The following NARS2 variants were observed in gnomAD, a reference collection of about 807,000 sequenced individuals.
The protein encoded by NARS2 is asparaginyl-tRNA synthetase 2, mitochondrial.
In NARS2, 60 loss-of-function variants were observed where a neutral mutation model predicts 62.9. The ratio of observed to expected loss-of-function variants is 0.95; its 90% CI spans 0.77 to 1.18. NARS2 has a LOEUF of 1.18. Among genes scored for constraint, NARS2 ranks in the 50% most tolerant of loss-of-function variants. The probability of loss-of-function intolerance (pLI) is 0.00; values close to 1 mark genes in which losing one functional copy is unlikely to be tolerated. For synonymous variants in NARS2, 196 were observed against 200.0 expected (o/e 0.98, Z 0.17); for missense variants, 619 against 576.4 (o/e 1.07, Z -0.76).
chr11:78,508,261 C>T (rs895850673), intron 6 of NARS2, among the ~76,000 whole-genome samples: 1 of 151,874 alleles, frequency 6.6e-6, no homozygotes, highest in African/African-American at 2.4e-5. Context: ...ACAACACGAC[C>T]CAACATATGC....
intron 6 of NARS2, among the ~76,000 whole-genome samples, chr11:78,516,199 TAC>T (rs1183809888): frequency 1.3e-5 from 2 of 152,204 alleles, no homozygotes; most frequent in African/African-American, 4.8e-5. Flanking sequence ...GACATAAAAG[TAC>T]AGAGACATCC....
At chr11:78,466,258 T>A (rs1293881105) in intron 10 of NARS2, among the ~76,000 whole-genome samples, 1 of 150,416 alleles carries the variant, frequency 6.6e-6, no homozygotes, top group Non-Finnish European at 1.5e-5. Context: ...TGTGTCCCCA[T>A]TGCTCCCCCA....
In NARS2 at chr11:78,465,932, G is replaced by A. The variant is rs754242670; in HGVS notation, c.1108C>T (p.Pro370Ser). Reference protein sequence around the residue: ...GNIPVFVINYPLTLKPFYMRD... With the variant: ...GNIPVFVINYSLTLKPFYMRD... ...ATGTAGAAAGGCTTGAGTGTTAATG[G>A]ATAATTAATAACGAAGACAGGTATG... Residue 370 changes from proline (P) to serine (S), a missense_variant, in exon 11 of 14, where the codon CCA (proline) becomes TCA (serine). Coordinates refer to ENST00000281038, the MANE Select transcript of NARS2 (RefSeq NM_024678.6). 3 of 1,613,996 alleles carry A rather than the reference G, an allele frequency of 1.9e-6. No individual in the cohort carries two copies. The highest frequency in any genetic ancestry group is 2.2e-5 in the East Asian group (1 of 44,886).
At chr11:78,544,648 G>A (rs556614560) in intron 5 of NARS2, among the ~76,000 whole-genome samples, 2 of 152,160 alleles carry the variant, frequency 1.3e-5, no homozygotes, top group East Asian at 3.9e-4. Context: ...CAAAAAATTA[G>A]CCAGGCGCGG....
At chr11:78,541,130 A>AG (rs1217860770) in intron 5 of NARS2, among the ~76,000 whole-genome samples, 1 of 152,184 alleles carries the variant, frequency 6.6e-6, no homozygotes, top group African/African-American at 2.4e-5. Flanking sequence ...ATTGTACTCC[A>AG]GCCTGAGTGA....
chr11:78,502,146 G>C (rs573285378), intron 6 of NARS2, among the ~76,000 whole-genome samples: 2 of 152,344 alleles, frequency 1.3e-5, no homozygotes, highest in African/African-American at 4.8e-5. Flanking sequence ...AAAGCAGAAA[G>C]TGGTTGCCAG....
chr11:78,556,206 A>G (rs1185016557), intron 5 of NARS2, among the ~76,000 whole-genome samples: 1 of 152,136 alleles, frequency 6.6e-6, no homozygotes, highest in Non-Finnish European at 1.5e-5. Flanking sequence ...TACCTGGAAT[A>G]TTCTCCCTAA....
intron 11 of NARS2, among the ~76,000 whole-genome samples, chr11:78,463,980 C>G (rs2135205645): frequency 6.6e-6 from 1 of 152,316 alleles, no homozygotes; most frequent in Admixed American, 6.5e-5. Context: ...TTCTTGGTCT[C>G]ACTGACTTCA....
At chr11:78,510,828 A>C (rs1860695178) in intron 6 of NARS2, among the ~76,000 whole-genome samples, 1 of 152,248 alleles carries the variant, frequency 6.6e-6, no homozygotes, top group Admixed American at 6.5e-5. Context: ...CAGTGGGATA[A>C]TATTCAGCAA....
chr11:78,485,848 A>G (rs951309502), intron 7 of NARS2, among the ~76,000 whole-genome samples: 14 of 152,104 alleles, frequency 9.2e-5, no homozygotes, highest in African/African-American at 2.9e-4. Flanking sequence ...TGTTTTGAAG[A>G]GCGTGGATGT....
intron 13 of NARS2, among the ~76,000 whole-genome samples, chr11:78,440,724 G>A (rs1317917935): frequency 1.3e-5 from 2 of 151,584 alleles, no homozygotes; most frequent in African/African-American, 4.9e-5. Flanking sequence ...GTAGAGATGG[G>A]GTTTCACCAT....
chr11:78,528,633 GA>G lies in NARS2; in HGVS notation c.689+208del, dbSNP rs1341408421. Among the ~76,000 whole-genome samples, 8 of 151,902 alleles carry G rather than the reference GA, an allele frequency of 5.3e-5. No homozygotes were observed. The East Asian group carries it at 7.7e-4, about 15-fold the overall frequency. ...TTCAAGCAAGAAAAATTAGTAAAAA[GA>G]AAAAAATGACAACTTTGTATTTTCA... On this transcript the variant is annotated intron_variant, in intron 6 of 13. Coordinates refer to ENST00000281038, the MANE Select transcript of NARS2 (RefSeq NM_024678.6).
intron 6 of NARS2, among the ~76,000 whole-genome samples, chr11:78,527,945 CA>C (rs1861349075): frequency 6.6e-6 from 1 of 152,032 alleles, no homozygotes; most frequent in Non-Finnish European, 1.5e-5. Flanking sequence ...CCCACCTCTA[CA>C]AAAAATTTTA....
intron 6 of NARS2, among the ~76,000 whole-genome samples, chr11:78,494,814 AACAAAAG>A (rs972246605): frequency 2.6e-5 from 4 of 152,210 alleles, no homozygotes; most frequent in African/African-American, 9.6e-5. Flanking sequence ...CCCCAAAACA[AACAAAAG>A]ACAAAATGAA....
intron 5 of NARS2, among the ~76,000 whole-genome samples, chr11:78,534,319 A>C (rs1225081075): frequency 6.6e-6 from 1 of 152,230 alleles, no homozygotes; most frequent in Non-Finnish European, 1.5e-5. Context: ...TTGGCCGCTC[A>C]ATAGGTACAT....
intron 7 of NARS2, among the ~76,000 whole-genome samples, chr11:78,490,754 C>A (rs1859785913): frequency 6.6e-6 from 1 of 151,414 alleles, no homozygotes. Context: ...AGAGTGAGAC[C>A]CTGTTTCAAA....
At chr11:78,534,070 G>A (rs1248674395) in intron 5 of NARS2, among the ~76,000 whole-genome samples, 4 of 152,068 alleles carry the variant, frequency 2.6e-5, no homozygotes, top group Admixed American at 2.0e-4. Context: ...AGGCATCTTG[G>A]TTGCTTCCAA....
chr11:78,495,653 C>T (rs12289246), intron 6 of NARS2, among the ~76,000 whole-genome samples: 3,541 of 152,192 alleles, frequency 0.023, 127 homozygotes, highest in African/African-American at 0.074. Flanking sequence ...AACTAAAAAG[C>T]ACATCCTCAC....
intron 6 of NARS2, among the ~76,000 whole-genome samples, chr11:78,500,286 C>A (rs1860233013): frequency 6.6e-6 from 1 of 152,048 alleles, no homozygotes; most frequent in African/African-American, 2.4e-5. Context: ...TTCTGTAAGA[C>A]TAAATTTCCC....
Sources: allele counts gnomAD v4.1 joint callset (sites outside exome capture counted in the v4.1 genomes callset), GRCh38; gene constraint gnomAD v4.1.1; transcripts MANE v1.5; gene names NCBI Gene and HGNC (gene_info 2026-07-23, HGNC 2026-07-21).